CRTAC1: variants seen among roughly 807,000 people sequenced by gnomAD.
CRTAC1 encodes the protein cartilage acidic protein 1.
CRTAC1 carries 37 observed loss-of-function variants against 67.8 expected under a neutral mutation model. The ratio of observed to expected loss-of-function variants is 0.55; its 90% CI spans 0.42 to 0.72. The LOEUF is 0.72. Ranked by LOEUF, CRTAC1 falls within the 30% of genes least tolerant of loss-of-function variation. The pLI is 0.00. For synonymous variants in CRTAC1, 348 were observed against 371.0 expected (o/e 0.94, Z 0.71); for missense variants, 780 against 931.6 (o/e 0.84, Z 2.12).
At position 97,904,659 on chromosome 10, in the gene CRTAC1, C is replaced by T. The variant is rs2050585054; in HGVS notation, c.996+10G>A. On this transcript the variant is annotated intron_variant, in intron 7 of 14. Coordinates refer to ENST00000370597, the MANE Select transcript of CRTAC1 (RefSeq NM_018058.7). ...TGGTCTTGAACTCCTGGGGTGAGGCCCCTTCTTACCCGGAAGCGGACCTTC... is the reference window on the plus strand; with the variant it reads ...TGGTCTTGAACTCCTGGGGTGAGGCTCCTTCTTACCCGGAAGCGGACCTTC... 1.3e-6 allele frequency: 2 copies of T among 1,524,940 alleles called. No individual in the cohort carries two copies. Among genetic ancestry groups the T allele is most frequent in the Non-Finnish European group, 1.8e-6 (2 of 1,139,536 alleles). 94.5% of individuals were successfully genotyped at this position (1,524,940 alleles called of 1,614,324 possible).
Position 97,991,094 on chromosome 10 carries a change from C to A in CRTAC1, c.224+20044G>T, listed in dbSNP as rs1423310963. On this transcript the variant is annotated intron_variant, in intron 2 of 14. Coordinates refer to ENST00000370597, the MANE Select transcript of CRTAC1 (RefSeq NM_018058.7). Reference sequence around the variant, plus strand: ...ATCTTGGCAACATACGAGAAACCATCTCTACAAAAAAAAAAAAAAAAAAAA... The same window carrying A: ...ATCTTGGCAACATACGAGAAACCATATCTACAAAAAAAAAAAAAAAAAAAA... 3.9e-5 allele frequency among the ~76,000 whole-genome samples: 3 copies of A among 76,914 alleles called. No homozygotes were observed. The East Asian group carries it at 1.2e-3, about 30-fold the overall frequency. The allele number at this position is 76,914 out of a possible 152,430, so 50.5% of individuals were successfully genotyped here.
At chr10:97,871,497 G>C (rs1179756467) in intron 14 of CRTAC1, 2 of 152,356 alleles carry the variant, frequency 1.3e-5, no homozygotes, top group East Asian at 3.8e-4. Context: ...TTTATAGCAG[G>C]CTTCAGATTC....
At chr10:97,932,524 C>A (rs1325739620) in intron 3 of CRTAC1, among the ~76,000 whole-genome samples, 2 of 152,020 alleles carry the variant, frequency 1.3e-5, no homozygotes, top group African/African-American at 4.8e-5. Flanking sequence ...CAGTTAAGGG[C>A]ACAGGGGGTA....
chr10:97,923,331 T>A lies in CRTAC1; in HGVS notation c.491A>T (p.Glu164Val), dbSNP rs1564896287. ...GGCCACACCACGGGCCACGTTGACC[T>A]CATCGCTCAGGATGTCTTCCCACCG... ...NNRWEDILSDEVNVARGVASL... is the reference protein window; with the variant it reads ...NNRWEDILSDVVNVARGVASL... Residue 164 changes from glutamate (E) to valine (V), a missense_variant, in exon 4 of 15, where the codon GAG becomes GTG. Transcript: ENST00000370597. The A allele has an allele frequency of 6.2e-7, 1 of 1,614,150 alleles. No homozygotes were observed. The highest frequency in any genetic ancestry group is 1.7e-5 in the Admixed American group (1 of 60,022).
chr10:98,022,360 AG>A (rs1476393506), intron 1 of CRTAC1, among the ~76,000 whole-genome samples: 2 of 152,044 alleles, frequency 1.3e-5, no homozygotes, highest in Non-Finnish European at 2.9e-5. Flanking sequence ...CTTCTCAAAA[AG>A]AAAAAAAAAG....
intron 2 of CRTAC1, among the ~76,000 whole-genome samples, chr10:97,936,595 T>C (rs571117027): frequency 6.6e-6 from 1 of 152,304 alleles, no homozygotes; most frequent in East Asian, 1.9e-4. Context: ...GCAGGGGCCA[T>C]GTGGGACACC....
At chr10:97,892,035 G>A (rs2050382245) in intron 11 of CRTAC1, among the ~76,000 whole-genome samples, 1 of 152,170 alleles carries the variant, frequency 6.6e-6, no homozygotes. Context: ...ACAAATCCCA[G>A]GGCCTTGCAA....
intron 3 of CRTAC1, among the ~76,000 whole-genome samples, chr10:97,926,743 C>G (rs1564897983): frequency 6.6e-6 from 1 of 152,194 alleles, no homozygotes; most frequent in African/African-American, 2.4e-5. Context: ...TTAAAAAATG[C>G]ACTTGAAGTG....
At chr10:97,941,347 T>C (rs2051172626) in intron 2 of CRTAC1, among the ~76,000 whole-genome samples, 1 of 151,994 alleles carries the variant, frequency 6.6e-6, no homozygotes, top group Non-Finnish European at 1.5e-5. Flanking sequence ...AATGTTGGAG[T>C]CCCCAGTCCT....
chr10:97,960,107 T>A (rs2051503161), intron 2 of CRTAC1, among the ~76,000 whole-genome samples: 1 of 152,230 alleles, frequency 6.6e-6, no homozygotes, highest in Non-Finnish European at 1.5e-5. Context: ...TGGCATCAGT[T>A]CTGGGGATGG....
intron 8 of CRTAC1, among the ~76,000 whole-genome samples, chr10:97,898,690 T>C (rs2050494007): frequency 6.6e-6 from 1 of 152,060 alleles, no homozygotes; most frequent in Non-Finnish European, 1.5e-5. Context: ...TTTCAACGGC[T>C]CTGTCTGCAG....
intron 3 of CRTAC1, among the ~76,000 whole-genome samples, chr10:97,933,053 G>A (rs1482747774): frequency 6.6e-6 from 1 of 152,218 alleles, no homozygotes; most frequent in African/African-American, 2.4e-5. Flanking sequence ...CACATGCCAT[G>A]GGCACAGCCA....
chr10:97,962,596 C>G (rs142026147), intron 2 of CRTAC1, among the ~76,000 whole-genome samples: 56 of 152,286 alleles, frequency 3.7e-4, no homozygotes, highest in Non-Finnish European at 7.1e-4. Flanking sequence ...CTGGGTTTCA[C>G]AAGGAGCTTT....
intron 2 of CRTAC1, among the ~76,000 whole-genome samples, chr10:97,985,245 T>G (rs1315866382): frequency 3.9e-5 from 6 of 152,236 alleles, no homozygotes; most frequent in African/African-American, 1.4e-4. Flanking sequence ...TTATTCTTCT[T>G]CCTACTACTC....
chr10:97,903,387 G>C (rs1374910889), intron 7 of CRTAC1, among the ~76,000 whole-genome samples: 1 of 151,190 alleles, frequency 6.6e-6, no homozygotes, highest in Admixed American at 6.6e-5. Context: ...AGCTGGGTGA[G>C]AACAAGAGTA....
At chr10:97,958,911 C>T (rs1231507999) in intron 2 of CRTAC1, among the ~76,000 whole-genome samples, 1 of 152,164 alleles carries the variant, frequency 6.6e-6, no homozygotes, top group Non-Finnish European at 1.5e-5. Flanking sequence ...TTCTTTAAAG[C>T]CATCTGCTCG....
intron 11 of CRTAC1, among the ~76,000 whole-genome samples, chr10:97,892,348 A>G (rs1444807487): frequency 1.3e-5 from 2 of 152,194 alleles, no homozygotes; most frequent in Non-Finnish European, 2.9e-5. Context: ...GTGAGCCTCA[A>G]TGTCCTTATT....
At chr10:97,888,956 C>T (rs1342103330) in intron 11 of CRTAC1, among the ~76,000 whole-genome samples, 2 of 152,076 alleles carry the variant, frequency 1.3e-5, no homozygotes, top group Non-Finnish European at 2.9e-5. Flanking sequence ...AATATTTTTG[C>T]ACTTTAATAA....
chr10:97,885,052 C>T (rs189743811), intron 11 of CRTAC1, among the ~76,000 whole-genome samples: 20 of 152,298 alleles, frequency 1.3e-4, no homozygotes, highest in Admixed American at 8.5e-4. Context: ...GTTGGGGAGA[C>T]AAGCAAACAG....
Sources: gnomAD v4.1 joint callset for allele counts (sites outside exome capture counted in the v4.1 genomes callset) on GRCh38, gnomAD v4.1.1 for gene constraint, MANE v1.5 for transcripts, NCBI Gene and HGNC (gene_info 2026-07-23, HGNC 2026-07-21) for gene names.